Variants in FAM168A observed in about 807,000 individuals in gnomAD.
The protein encoded by FAM168A is family with sequence similarity 168 member A, also known as protein FAM168A.
In FAM168A, 3 loss-of-function variants were observed where a neutral mutation model predicts 28.5. The ratio of observed to expected loss-of-function variants is 0.11; its 90% confidence interval spans 0.05 to 0.27. FAM168A has a LOEUF of 0.27. FAM168A is among the 10% of genes least tolerant of loss of function. The pLI is 1.00. For synonymous variants in FAM168A, 122 were observed against 124.2 expected (o/e 0.98, Z 0.12); for missense variants, 222 against 311.5 (o/e 0.71, Z 2.16).
chr11:73,591,548 T>C (rs555791336), intron 1 of FAM168A, among the ~76,000 whole-genome samples: 14 of 152,172 alleles, frequency 9.2e-5, no homozygotes, highest in Non-Finnish European at 1.9e-4. Context: ...GATATAGTCT[T>C]GCCCAAGCTA....
intron 2 of FAM168A, among the ~76,000 whole-genome samples, chr11:73,436,522 C>CA (rs397782309): frequency 0.049 from 7,272 of 148,568 alleles, 544 homozygotes; most frequent in African/African-American, 0.16. Flanking sequence ...AAACAATGAC[C>CA]AAAAAAAAAA....
At chr11:73,521,702 C>T (rs927913468) in intron 1 of FAM168A, among the ~76,000 whole-genome samples, 10 of 152,130 alleles carry the variant, frequency 6.6e-5, no homozygotes, top group East Asian at 1.9e-4. Flanking sequence ...GTAATAACAA[C>T]GGGGAAGGGG....
At chr11:73,471,262 C>A (rs1867809584) in intron 1 of FAM168A, among the ~76,000 whole-genome samples, 1 of 152,064 alleles carries the variant, frequency 6.6e-6, no homozygotes, top group South Asian at 2.1e-4. Context: ...CCTGGATCTG[C>A]CACATACCAT....
Position 73,458,614 on chromosome 11 carries a change from TTTC to T in FAM168A, c.70+9788_70+9790del, listed in dbSNP as rs372996982. ...AAGTGTTCTAATAGAAATTTCTTTC[TTTC>T]TTTTTTTTGATATGGAGTCTCGTTG... On this transcript the variant is annotated intron_variant, in intron 2 of 7. Transcript: ENST00000356467. Among the ~76,000 whole-genome samples, 735 of 150,484 alleles carry T rather than the reference TTTC, an allele frequency of 4.9e-3. 8 individuals are homozygous for T. The highest frequency in any genetic ancestry group is 0.017 in the African/African-American group (705 of 41,462).
intron 1 of FAM168A, among the ~76,000 whole-genome samples, chr11:73,570,156 C>T (rs1276794893): frequency 6.6e-6 from 1 of 152,180 alleles, no homozygotes; most frequent in Non-Finnish European, 1.5e-5. Flanking sequence ...AAGTACATAG[C>T]TCTGAAATCA....
At chr11:73,507,053 AAC>A (rs1368339641) in intron 1 of FAM168A, among the ~76,000 whole-genome samples, 4 of 152,310 alleles carry the variant, frequency 2.6e-5, no homozygotes, top group Non-Finnish European at 4.4e-5. Flanking sequence ...TTGAAAAGAA[AAC>A]ACACACACAA....
At chr11:73,543,974 TAAAC>T (rs1190849619) in intron 1 of FAM168A, among the ~76,000 whole-genome samples, 2 of 152,024 alleles carry the variant, frequency 1.3e-5, no homozygotes, top group South Asian at 2.1e-4. Context: ...CTACAAAAAA[TAAAC>T]AAAATTAGCT....
intron 6 of FAM168A, 126 bp downstream of exon 6, chr11:73,409,361 G>T: frequency 1.6e-6 from 2 of 1,236,804 alleles, no homozygotes; most frequent in East Asian, 2.5e-5. Context: ...CCTTCCTCTG[G>T]GTTCCCAAGC....
chr11:73,545,615 C>T (rs1943738539), intron 1 of FAM168A, among the ~76,000 whole-genome samples: 1 of 149,596 alleles, frequency 6.7e-6, no homozygotes, highest in African/African-American at 2.5e-5. Flanking sequence ...CAGTAAAGCT[C>T]TTTAACTTTT....
At chr11:73,575,331 T>A (rs56721062) in intron 1 of FAM168A, among the ~76,000 whole-genome samples, 2,125 of 152,340 alleles carry the variant, frequency 0.014, 32 homozygotes, top group African/African-American at 0.041. Flanking sequence ...ATACATCTGA[T>A]GATAGGTATT....
chr11:73,496,654 G>C (rs993959066), intron 1 of FAM168A, among the ~76,000 whole-genome samples: 2 of 152,108 alleles, frequency 1.3e-5, no homozygotes, highest in African/African-American at 4.8e-5. Flanking sequence ...TCCGCCTCCC[G>C]CGTTCACGCC....
chr11:73,494,086 A>AGACATGTACATTATGTACAGTATG (rs1187622871), intron 1 of FAM168A, among the ~76,000 whole-genome samples: 32 of 152,364 alleles, frequency 2.1e-4, no homozygotes, highest in East Asian at 1.2e-3. Flanking sequence ...AAGAACACCA[A>AGACATGTACATTATGTACAGTATG]GACATGTACA....
At chr11:73,515,814 G>A (rs1943296455) in intron 1 of FAM168A, among the ~76,000 whole-genome samples, 1 of 152,022 alleles carries the variant, frequency 6.6e-6, no homozygotes, top group African/African-American at 2.4e-5. Context: ...AGGGTCTTAA[G>A]AATCAGAATC....
intron 2 of FAM168A, among the ~76,000 whole-genome samples, chr11:73,453,719 A>C (rs1867474088): frequency 1.3e-5 from 2 of 152,164 alleles, no homozygotes; most frequent in Admixed American, 6.5e-5. Context: ...CAGGAGTCAG[A>C]CTCGGGTCTT....
At chr11:73,539,419 G>A (rs1428258305) in intron 1 of FAM168A, among the ~76,000 whole-genome samples, 1 of 152,218 alleles carries the variant, frequency 6.6e-6, no homozygotes, top group South Asian at 2.1e-4. Context: ...ATAGGTGCAT[G>A]CCACCATGCC....
rs1005662275 is a variant in FAM168A at position 73,401,192 on chromosome 11, A to T, written c.*5571T>A. ...TCCAACCTGTAGATTAAAATGAATT[A>T]AAAAATACAAAATCATATACAACGC... is the stretch of plus-strand genomic sequence containing the variant. On this transcript the variant is annotated 3_prime_UTR_variant, in exon 8 of 8. Coordinates refer to ENST00000356467, the MANE Select transcript of FAM168A (RefSeq NM_015159.3). 2.6e-5 allele frequency: 4 copies of T among 152,126 alleles called. No individual in the cohort carries two copies. The highest frequency in any genetic ancestry group is 9.7e-5 in the African/African-American group (4 of 41,432). 9.4% of individuals were successfully genotyped at this position (152,126 alleles called of 1,614,324 possible).
intron 2 of FAM168A, among the ~76,000 whole-genome samples, chr11:73,444,045 G>T (rs542531492): frequency 2.4e-4 from 36 of 152,316 alleles, no homozygotes; most frequent in Non-Finnish European, 5.0e-4. Flanking sequence ...TGGGAAGAAC[G>T]GGGGTTCTGA....
In FAM168A at chr11:73,422,260, T is replaced by G. The variant is rs183413493; in HGVS notation, c.152-2261A>C. The stretch of plus-strand genomic sequence containing the variant: ...CGACTGTGCCTTTGGTTACTATGTC[T>G]TTTCCAACTGATGACATGAACTATA... On this transcript the variant is annotated intron_variant, in intron 3 of 7. Coordinates refer to ENST00000356467, the MANE Select transcript of FAM168A (RefSeq NM_015159.3). Among the ~76,000 whole-genome samples, 266 of 152,326 alleles carry G rather than the reference T, an allele frequency of 1.7e-3. 2 individuals carry two copies. Among genetic ancestry groups the G allele is most frequent in the African/African-American group, 6.2e-3 (257 of 41,578 alleles).
intron 2 of FAM168A, among the ~76,000 whole-genome samples, chr11:73,437,354 C>A (rs543934547): frequency 5.3e-5 from 8 of 151,314 alleles, no homozygotes; most frequent in Non-Finnish European, 1.2e-4. Context: ...CCTCGGCCTC[C>A]CAAAGTGCTG....
Sources: gnomAD v4.1 joint callset for allele counts (sites outside exome capture counted in the v4.1 genomes callset) on GRCh38, gnomAD v4.1.1 for gene constraint, MANE v1.5 for transcripts, NCBI Gene and HGNC (gene_info 2026-07-23, HGNC 2026-07-21) for gene names.